The following FGR variants were observed in gnomAD, a reference collection of about 807,000 sequenced individuals.
FGR encodes the protein FGR proto-oncogene, Src family tyrosine kinase, also known as tyrosine-protein kinase Fgr.
FGR carries 26 observed loss-of-function variants against 63.2 expected under a neutral mutation model. The ratio of observed to expected loss-of-function variants is 0.41; its 90% CI spans 0.30 to 0.57. The LOEUF is 0.57. Ranked by LOEUF, FGR falls within the 20% of genes least tolerant of loss-of-function variation. FGR has a pLI of 0.27. For synonymous variants in FGR, 286 were observed against 277.7 expected (o/e 1.03, Z -0.30); for missense variants, 511 against 690.8 (o/e 0.74, Z 2.92).
chr1:27,623,884 C>G lies in FGR; in HGVS notation c.33G>C (p.Pro11=), dbSNP rs148928565. The change falls in exon 3 of 13, where the codon CCG becomes CCC. Residue 11 remains proline, a synonymous_variant. Coordinates refer to ENST00000374005, the MANE Select transcript of FGR (RefSeq NM_005248.3). Reference sequence around the variant, plus strand: ...CAGCATCCTCCTTGGCCGTGGCCACCGGCTCCAATTTCTTGCAGAACACAC... The same window carrying G: ...CAGCATCCTCCTTGGCCGTGGCCACGGGCTCCAATTTCTTGCAGAACACAC... MGCVFCKKLE[P]VATAKEDAGL... 6.2e-7 allele frequency: 1 copy of G among 1,604,392 alleles called. No homozygotes were observed. Among genetic ancestry groups the G allele is most frequent in the Non-Finnish European group, 8.5e-7 (1 of 1,173,200 alleles).
rs1256102706 is a variant in FGR at position 27,616,054 on chromosome 1, G to T, written c.683-210C>A. 1.3e-5 allele frequency among the ~76,000 whole-genome samples: 2 copies of T among 152,216 alleles called. No individual in the cohort carries two copies. Among genetic ancestry groups the T allele is most frequent in the Non-Finnish European group, 2.9e-5 (2 of 68,042 alleles). ...GAAGGGGGTGGCACCCAGAGGGAGA[G>T]ATGATCCCTGTAAGCCTTCTGTAAG... On this transcript the variant is annotated intron_variant, in intron 7 of 12. Coordinates refer to ENST00000374005, the MANE Select transcript of FGR (RefSeq NM_005248.3). This position sits in a 1 kb window ranked among gnomAD's most constrained non-coding sequence, Gnocchi z 4.3.
At chr1:27,624,231 CT>C (rs1428623726) in intron 2 of FGR, among the ~76,000 whole-genome samples, 1 of 152,128 alleles carries the variant, frequency 6.6e-6, no homozygotes, top group Non-Finnish European at 1.5e-5. Context: ...CCTCCTATTG[CT>C]TTGCTTTTTT....
At position 27,615,345 on chromosome 1, in the gene FGR, C is replaced by A. The variant is rs2089784952; in HGVS notation, c.1018+89G>T. 7.1e-7 allele frequency: 1 copy of A among 1,415,876 alleles called. No individual in the cohort carries two copies. The allele number at this position is 1,415,876 out of a possible 1,614,324, so 87.7% of individuals were successfully genotyped here. Reference sequence around the variant, plus strand: ...GGGACTCTGCCCATTGTCCCTTGTCCCTCACAGATCGCGTCCCAGGTCCCA... The same window carrying A: ...GGGACTCTGCCCATTGTCCCTTGTCACTCACAGATCGCGTCCCAGGTCCCA... On this transcript the variant is annotated intron_variant, in intron 9 of 12. Coordinates refer to ENST00000374005, the MANE Select transcript of FGR (RefSeq NM_005248.3). The surrounding 1 kb of genome is among the most constrained non-coding windows in gnomAD (Gnocchi z 7.6).
chr1:27,613,674 G>C (rs1209006559), intron 11 of FGR, among the ~76,000 whole-genome samples: 2 of 143,746 alleles, frequency 1.4e-5, no homozygotes, highest in African/African-American at 5.2e-5. Flanking sequence ...TTCAGCCTGG[G>C]TGACAGTGAG....
intron 4 of FGR, 42 bp downstream of exon 4, chr1:27,623,000 C>G (rs1235367745): frequency 7.0e-7 from 1 of 1,436,940 alleles, no homozygotes; most frequent in African/African-American, 1.4e-5. Flanking sequence ...TGTCCTGCTC[C>G]CAGCCCAGGC....
At chr1:27,634,398 C>A (rs2090149649) in intron 1 of FGR, among the ~76,000 whole-genome samples, 1 of 152,164 alleles carries the variant, frequency 6.6e-6, no homozygotes, top group South Asian at 2.1e-4. Context: ...CGGCAGGAGT[C>A]CCCTGCAGCC....
chr1:27,631,161 T>C (rs2090099533), intron 1 of FGR, among the ~76,000 whole-genome samples: 1 of 152,232 alleles, frequency 6.6e-6, no homozygotes. Context: ...GTCAGGACTA[T>C]TAATTCAAGT....
At chr1:27,619,386 TC>T (rs1178049981) in intron 5 of FGR, among the ~76,000 whole-genome samples, 1 of 152,202 alleles carries the variant, frequency 6.6e-6, no homozygotes, top group Non-Finnish European at 1.5e-5. Flanking sequence ...AGATAAGGTT[TC>T]ACCACATTGG....
intron 1 of FGR, among the ~76,000 whole-genome samples, chr1:27,626,825 C>T (rs1004364552): frequency 2.6e-5 from 4 of 151,944 alleles, no homozygotes; most frequent in Non-Finnish European, 5.9e-5. Context: ...CAGGGCCCAG[C>T]GGGAGGGATT....
At position 27,621,676 on chromosome 1, in the gene FGR, G is replaced by A. The variant is rs2089929733; in HGVS notation, c.330-19C>T. On this transcript the variant is annotated intron_variant, in intron 4 of 12. Coordinates refer to ENST00000374005, the MANE Select transcript of FGR (RefSeq NM_005248.3). Reference sequence around the variant, plus strand: ...ACCTTCACTGTAGGCACAGAACAGGGCATGGTCAGCAGCACCTCCAGCCCC... The same window carrying A: ...ACCTTCACTGTAGGCACAGAACAGGACATGGTCAGCAGCACCTCCAGCCCC... 1 of 1,591,384 alleles carries A rather than the reference G, an allele frequency of 6.3e-7. No homozygotes were observed. Among genetic ancestry groups the A allele is most frequent in the Non-Finnish European group, 8.6e-7 (1 of 1,159,458 alleles).
rs781553018 is a variant in FGR at position 27,612,817 on chromosome 1, A to T, written c.*97T>A. 3.4e-6 allele frequency: 4 copies of T among 1,178,236 alleles called. No homozygotes were observed. The highest frequency in any genetic ancestry group is 4.8e-6 in the Non-Finnish European group (4 of 825,816). The allele number at this position is 1,178,236 out of a possible 1,614,324, so 73.0% of individuals were successfully genotyped here. On this transcript the variant is annotated 3_prime_UTR_variant, in exon 13 of 13. Transcript: ENST00000374005. Reference sequence around the variant, plus strand: ...ACGTCCTCGGTGATGCTAGGACTCTATGGGGTTCTAAGCCAGCCTGGGGGC... The same window carrying T: ...ACGTCCTCGGTGATGCTAGGACTCTTTGGGGTTCTAAGCCAGCCTGGGGGC...
Position 27,612,776 on chromosome 1 carries a change from T to C in FGR, c.*138A>G. Reference sequence around the variant, plus strand: ...TGTAAAACAAGTAGGTTGCCCTAGGTGGTGTCAGAGCAGCCACGTCCTCGG... The same window carrying C: ...TGTAAAACAAGTAGGTTGCCCTAGGCGGTGTCAGAGCAGCCACGTCCTCGG... On this transcript the variant is annotated 3_prime_UTR_variant, in exon 13 of 13. Transcript: ENST00000374005. The C allele has an allele frequency of 1.4e-6, 1 of 739,702 alleles. No homozygotes were observed. The highest frequency in any genetic ancestry group is 2.7e-5 in the East Asian group (1 of 36,834). 45.8% of individuals were successfully genotyped at this position (739,702 alleles called of 1,614,324 possible).
chr1:27,614,234 G>A (rs1309461698), intron 11 of FGR, among the ~76,000 whole-genome samples, 196 bp downstream of exon 11: 1 of 152,244 alleles, frequency 6.6e-6, no homozygotes, highest in Non-Finnish European at 1.5e-5. Flanking sequence ...GCTCCCAGAG[G>A]TTAGGTGACT....
intron 3 of FGR, 109 bp from the exon 4 acceptor site, chr1:27,623,253 T>G: frequency 1.3e-6 from 1 of 767,346 alleles, no homozygotes; most frequent in Non-Finnish European, 2.2e-6. Flanking sequence ...CCCACTCCTT[T>G]AGTGCTCTGG....
intron 11 of FGR, among the ~76,000 whole-genome samples, 168 bp downstream of exon 11, chr1:27,614,262 C>CT (rs1396911613): frequency 1.3e-5 from 2 of 152,192 alleles, no homozygotes; most frequent in African/African-American, 4.8e-5. Flanking sequence ...GGCCACATGG[C>CT]TGGTAAGTGG....
In FGR at chr1:27,623,792, C is replaced by G. The variant is rs371790198; in HGVS notation, c.125G>C (p.Arg42Pro). 2 of 1,614,218 alleles carry G rather than the reference C, an allele frequency of 1.2e-6. No individual in the cohort carries two copies. The highest frequency in any genetic ancestry group is 1.7e-5 in the Admixed American group (1 of 60,024). Residue 42 changes from arginine (R) to proline (P), a missense_variant, in exon 3 of 13, where the codon CGG becomes CCG. Physicochemically the swap from Arg to Pro is moderately radical, Grantham distance 103. Coordinates refer to ENST00000374005, the MANE Select transcript of FGR (RefSeq NM_005248.3). ...GATGTGGGCAAATGAGGATGCAGGC[C>G]GGGCCTTAGTGGGGTCAGGCCCATA... is the stretch of plus-strand genomic sequence containing the variant. ...DHYGPDPTKA[R>P]PASSFAHIPN...
chr1:27,622,753 G>A (rs1415281556), intron 4 of FGR, among the ~76,000 whole-genome samples: 6 of 152,156 alleles, frequency 3.9e-5, no homozygotes, highest in South Asian at 2.1e-4. Flanking sequence ...TGATCCACCC[G>A]CCTTGGCCTC....
At chr1:27,626,754 G>A (rs1287295609) in intron 1 of FGR, among the ~76,000 whole-genome samples, 2 of 152,112 alleles carry the variant, frequency 1.3e-5, no homozygotes, top group African/African-American at 2.4e-5. Flanking sequence ...AAACGCCCCA[G>A]GATGCTACAG....
At chr1:27,626,248 G>A (rs577966717) in intron 1 of FGR, 29 of 398,668 alleles carry the variant, frequency 7.3e-5, no homozygotes, top group East Asian at 4.6e-4. Context: ...GAGAGGAACC[G>A]ACTGGTGAGA....
Sources: gnomAD v4.1 joint callset for allele counts (sites outside exome capture counted in the v4.1 genomes callset) on GRCh38, gnomAD v4.1.1 for gene constraint, Gnocchi (gnomAD v3.1) non-coding constraint, MANE v1.5 for transcripts, NCBI Gene and HGNC (gene_info 2026-07-23, HGNC 2026-07-21) for gene names.